The following TLE4 variants were observed in gnomAD, a reference collection of about 807,000 sequenced individuals.
TLE4 encodes TLE family member 4, transcriptional corepressor.
Under a neutral mutation model 92.8 loss-of-function variants are expected in TLE4, and 8 were observed. The ratio of observed to expected loss-of-function variants is 0.09; its 90% CI spans 0.05 to 0.16. TLE4 has a LOEUF of 0.16. Ranked by LOEUF, TLE4 falls within the 10% of genes least tolerant of loss-of-function variation. The pLI is 1.00. For synonymous variants in TLE4, 371 were observed against 374.1 expected (o/e 0.99, Z 0.10); for missense variants, 675 against 997.6 (o/e 0.68, Z 4.36).
At chr9:79,635,650 A>G (rs2055576111) in intron 6 of TLE4, among the ~76,000 whole-genome samples, 4 of 150,616 alleles carry the variant, frequency 2.7e-5, no homozygotes, top group African/African-American at 9.8e-5. Context: ...TCCTTTCTCC[A>G]TTGATTTGTC....
In TLE4 at chr9:79,668,458, C is replaced by T. The variant is rs184013156; in HGVS notation, c.609+14383C>T. Among the ~76,000 whole-genome samples the T allele has an allele frequency of 2.6e-5, 4 of 152,262 alleles. No homozygotes were observed. The East Asian group carries it at 7.7e-4, about 29-fold the overall frequency. ...TGTGTGTGTTTAGCAGTTTACCCTTCCGATACCAAACTGGAAAATTTTGTT... is the reference window on the plus strand; with the variant it reads ...TGTGTGTGTTTAGCAGTTTACCCTTTCGATACCAAACTGGAAAATTTTGTT... On this transcript the variant is annotated intron_variant, in intron 8 of 19. Coordinates refer to ENST00000376552, the MANE Select transcript of TLE4 (RefSeq NM_007005.6).
At position 79,721,756 on chromosome 9, in the gene TLE4, C is replaced by T; in HGVS notation, c.1854C>T (p.His618=). Residue 618 remains histidine (H), a synonymous_variant, in exon 17 of 20, where the codon CAC becomes CAT. Transcript: ENST00000376552. ...NQTLVRQFQG[H]TDGASCIDIS... is the part of the protein sequence containing the mutation. The stretch of plus-strand genomic sequence containing the variant: ...ACATTTTCAGGCAATTCCAGGGCCA[C>T]ACAGATGGAGCCAGCTGTATTGACA... 2.5e-6 allele frequency: 4 copies of T among 1,614,156 alleles called. No homozygotes were observed. The highest frequency in any genetic ancestry group is 3.4e-6 in the Non-Finnish European group (4 of 1,180,022).
intron 8 of TLE4, among the ~76,000 whole-genome samples, chr9:79,656,442 C>T (rs1306356703): frequency 6.6e-6 from 1 of 152,090 alleles, no homozygotes; most frequent in East Asian, 1.9e-4. Context: ...TTTCCCTTTC[C>T]TCTTCTAATG....
chr9:79,710,997 C>T (rs532264860), intron 14 of TLE4, among the ~76,000 whole-genome samples: 5 of 152,196 alleles, frequency 3.3e-5, no homozygotes, highest in Non-Finnish European at 5.9e-5. Context: ...CCCACACACT[C>T]GGGCACTTAG....
chr9:79,634,620 C>T (rs1476987135), intron 6 of TLE4, among the ~76,000 whole-genome samples: 1 of 152,176 alleles, frequency 6.6e-6, no homozygotes, highest in African/African-American at 2.4e-5. Flanking sequence ...GTTCCCTCCA[C>T]CCCAATCCCT....
At chr9:79,724,959 G>A in intron 19 of TLE4, 78 bp from the exon 20 acceptor site, 1 of 967,944 alleles carries the variant, frequency 1.0e-6, no homozygotes, top group Non-Finnish European at 1.5e-6. Flanking sequence ...CATTACATTT[G>A]CATTTGCTCT....
At chr9:79,604,347 G>T (rs1334638634) in intron 4 of TLE4, among the ~76,000 whole-genome samples, 1 of 152,152 alleles carries the variant, frequency 6.6e-6, no homozygotes, top group Non-Finnish European at 1.5e-5. Flanking sequence ...GACTGTGCCT[G>T]CACCTGAAAG....
At chr9:79,654,230 A>G (rs1172389303) in intron 8 of TLE4, among the ~76,000 whole-genome samples, 155 bp downstream of exon 8, 1 of 131,266 alleles carries the variant, frequency 7.6e-6, no homozygotes, top group Non-Finnish European at 1.7e-5. Flanking sequence ...TGTGTGGTTG[A>G]TTTTTTTTTT....
chr9:79,650,605 C>T (rs1400252290), intron 6 of TLE4, among the ~76,000 whole-genome samples: 1 of 152,158 alleles, frequency 6.6e-6, no homozygotes, highest in African/African-American at 2.4e-5. Context: ...TTGATCCCCA[C>T]TGAATAACAG....
chr9:79,690,528 G>A (rs935104763), intron 8 of TLE4, among the ~76,000 whole-genome samples: 1 of 152,134 alleles, frequency 6.6e-6, no homozygotes, highest in African/African-American at 2.4e-5. Flanking sequence ...TGATAAACCT[G>A]GAGGATACTG....
At chr9:79,580,835 CT>C (rs1172911248) in intron 4 of TLE4, among the ~76,000 whole-genome samples, 2 of 151,718 alleles carry the variant, frequency 1.3e-5, no homozygotes, top group African/African-American at 4.8e-5. Flanking sequence ...GCTGACAGAA[CT>C]TTATCTTGCT....
intron 4 of TLE4, among the ~76,000 whole-genome samples, chr9:79,607,287 G>A (rs1481207067): frequency 1.3e-5 from 2 of 151,912 alleles, no homozygotes; most frequent in African/African-American, 4.8e-5. Flanking sequence ...TTGTCAGGTG[G>A]GTAGATTGCA....
In TLE4 at chr9:79,624,598, G is replaced by A. The variant is rs191656343; in HGVS notation, c.316-2776G>A. Among the ~76,000 whole-genome samples the A allele has an allele frequency of 1.7e-3, 263 of 152,306 alleles. 1 individual carries two copies. Among genetic ancestry groups the A allele is most frequent in the Admixed American group, 5.0e-3 (76 of 15,306 alleles). ...CTTCCATTGTCATTTTAGCTTTATA[G>A]CAGGAGTTTCTTTAGGCTGTCAGAG... On this transcript the variant is annotated intron_variant, in intron 5 of 19. Transcript: ENST00000376552.
intron 6 of TLE4, among the ~76,000 whole-genome samples, chr9:79,630,457 G>T (rs142847169): frequency 1.9e-4 from 29 of 152,298 alleles, no homozygotes; most frequent in African/African-American, 6.5e-4. Flanking sequence ...GAAAATTCCT[G>T]TGTTGGTTTC....
At chr9:79,624,888 T>G (rs2133447310) in intron 5 of TLE4, among the ~76,000 whole-genome samples, 1 of 152,338 alleles carries the variant, frequency 6.6e-6, no homozygotes, top group African/African-American at 2.4e-5. Context: ...GAGTAAGAGC[T>G]TTAAAACTTT....
Position 79,725,353 on chromosome 9 carries a change from G to A in TLE4, c.*209G>A. ...AACCTGTGATACCAAATCTTCAGCT[G>A]TCTACTTGGAAGAACATGGAATAAG... On this transcript the variant is annotated 3_prime_UTR_variant, in exon 20 of 20. Transcript: ENST00000376552. The A allele has an allele frequency of 2.3e-6, 1 of 441,990 alleles. No individual in the cohort carries two copies. The highest frequency in any genetic ancestry group is 2.7e-5 in the South Asian group (1 of 36,512). 27.4% of individuals were successfully genotyped at this position (441,990 alleles called of 1,614,324 possible).
Position 79,572,776 on chromosome 9 carries a change from A to T in TLE4, c.-15A>T. The T allele has an allele frequency of 6.3e-7, 1 of 1,598,898 alleles. No individual in the cohort carries two copies. Among genetic ancestry groups the T allele is most frequent in the Non-Finnish European group, 8.5e-7 (1 of 1,173,438 alleles). Reference sequence around the variant, plus strand: ...CGCGCGCCTCTGCCGAGCGCAGCCAACTAAATCGGCTTGGATGATTCGCGA... The same window carrying T: ...CGCGCGCCTCTGCCGAGCGCAGCCATCTAAATCGGCTTGGATGATTCGCGA... On this transcript the variant is annotated 5_prime_UTR_variant, in exon 1 of 20. Transcript: ENST00000376552.
intron 11 of TLE4, among the ~76,000 whole-genome samples, chr9:79,707,391 A>G (rs1002699472): frequency 1.3e-5 from 2 of 152,270 alleles, no homozygotes; most frequent in Non-Finnish European, 2.9e-5. Flanking sequence ...CTGCTCACCC[A>G]TCAGGATAAT....
chr9:79,603,995 A>G (rs1356194297), intron 4 of TLE4, among the ~76,000 whole-genome samples: 1 of 152,184 alleles, frequency 6.6e-6, no homozygotes, highest in East Asian at 1.9e-4. Context: ...GGTGATTAGT[A>G]TGTGCATTAC....
Sources: allele counts gnomAD v4.1 joint callset (sites outside exome capture counted in the v4.1 genomes callset), GRCh38; gene constraint gnomAD v4.1.1; transcripts MANE v1.5; gene names NCBI Gene and HGNC (gene_info 2026-07-23, HGNC 2026-07-21).